Variants in PREX2 observed in about 807,000 individuals in gnomAD.
The protein encoded by PREX2 is phosphatidylinositol-3,4,5-trisphosphate dependent Rac exchange factor 2, also known as phosphatidylinositol 3,4,5-trisphosphate-dependent Rac exchanger 2 protein.
PREX2 carries 107 observed loss-of-function variants against 203.2 expected under a neutral mutation model. The observed-to-expected ratio is 0.53, with a 90% CI of 0.45 to 0.62. The LOEUF is 0.62. Among genes scored for constraint, PREX2 ranks in the 20% least tolerant of loss-of-function variants. The pLI, the probability that PREX2 is intolerant of heterozygous loss-of-function variation, is 0.00. For synonymous variants in PREX2, 672 were observed against 663.6 expected (o/e 1.01, Z -0.19); for missense variants, 1,777 against 1,955.9 (o/e 0.91, Z 1.72).
At chr8:68,188,959 G>A (rs1186575296) in intron 35 of PREX2, among the ~76,000 whole-genome samples, 1 of 152,154 alleles carries the variant, frequency 6.6e-6, no homozygotes, top group Non-Finnish European at 1.5e-5. Context: ...TAGAGATGCA[G>A]AAATGAATAA....
Position 68,006,789 on chromosome 8 carries a change from G to T in PREX2, c.142-11057G>T, listed in dbSNP as rs116330418. Among the ~76,000 whole-genome samples the T allele has an allele frequency of 8.0e-3, 1,215 of 152,278 alleles. 20 individuals are homozygous for T. Among genetic ancestry groups the T allele is most frequent in the African/African-American group, 0.027 (1,128 of 41,552 alleles). ...AAATGTTGGTTCTTGAGGACCTAAG[G>T]TTATTCAGATCCCGTGAAACAAGAA... On this transcript the variant is annotated intron_variant, in intron 1 of 39. Transcript: ENST00000288368.
At chr8:68,156,123 C>T (rs184833154) in intron 34 of PREX2, among the ~76,000 whole-genome samples, 56 of 152,250 alleles carry the variant, frequency 3.7e-4, no homozygotes, top group African/African-American at 1.1e-3. Flanking sequence ...TCCAGTGGCA[C>T]GATCCTAGCT....
chr8:68,168,763 T>C (rs1304985321), intron 35 of PREX2, among the ~76,000 whole-genome samples: 1 of 152,202 alleles, frequency 6.6e-6, no homozygotes, highest in Non-Finnish European at 1.5e-5. Context: ...CAATTCTTTA[T>C]AGGGGCTCTT....
chr8:68,202,137 T>C (rs1272328068), intron 37 of PREX2, among the ~76,000 whole-genome samples: 2 of 152,050 alleles, frequency 1.3e-5, no homozygotes, highest in Non-Finnish European at 2.9e-5. Context: ...CCTGAACTCG[T>C]GATCCACCCA....
intron 1 of PREX2, among the ~76,000 whole-genome samples, chr8:67,960,489 T>A (rs1030275029): frequency 1.3e-5 from 2 of 152,130 alleles, no homozygotes; most frequent in Non-Finnish European, 2.9e-5. Flanking sequence ...TTTCCAAGCC[T>A]GGAGGCATAA....
At chr8:68,207,467 G>A (rs1812652258) in intron 37 of PREX2, among the ~76,000 whole-genome samples, 1 of 152,122 alleles carries the variant, frequency 6.6e-6, no homozygotes, top group South Asian at 2.1e-4. Context: ...AGGAATTCAT[G>A]TAATTTTTAA....
In PREX2 at chr8:68,134,388, C is replaced by T. The variant is rs149987435; in HGVS notation, c.3984+112C>T. 3.7e-4 allele frequency: 292 copies of T among 778,784 alleles called. 1 individual carries two copies. The African/African-American group carries it at 3.9e-3, about 10-fold the overall frequency. The allele number at this position is 778,784 out of a possible 1,614,324, so 48.2% of individuals were successfully genotyped here. On this transcript the variant is annotated intron_variant, in intron 32 of 39. Transcript: ENST00000288368. ...CCCGCTGGTTATCTCTATGAATGTG[C>T]GTGCATTCAGCTACTTTAAAAATAT...
At chr8:68,107,617 T>C (rs1161448808) in intron 23 of PREX2, among the ~76,000 whole-genome samples, 1 of 152,226 alleles carries the variant, frequency 6.6e-6, no homozygotes, top group Non-Finnish European at 1.5e-5. Context: ...CACACCCTAC[T>C]GTCTGACCTG....
chr8:68,109,154 C>T, intron 24 of PREX2: 1 of 476,670 alleles, frequency 2.1e-6, no homozygotes, highest in Non-Finnish European at 3.8e-6. Flanking sequence ...GTATAGTTAA[C>T]ATATTGTATT....
At chr8:68,023,096 G>A (rs569462826) in intron 4 of PREX2, among the ~76,000 whole-genome samples, 103 of 152,212 alleles carry the variant, frequency 6.8e-4, no homozygotes, top group African/African-American at 2.5e-3. Flanking sequence ...CAGCATTTAT[G>A]TTCAAGTCTT....
At chr8:68,113,208 C>T (rs1810568581) in intron 25 of PREX2, among the ~76,000 whole-genome samples, 2 of 150,780 alleles carry the variant, frequency 1.3e-5, no homozygotes, top group African/African-American at 2.5e-5. Context: ...AAGCCTAACA[C>T]TTGTCCCACG....
At position 67,998,240 on chromosome 8, in the gene PREX2, CTGGA is replaced by C. The variant is rs566965774; in HGVS notation, c.142-19605_142-19602del. Among the ~76,000 whole-genome samples, 554 of 152,268 alleles carry C rather than the reference CTGGA, an allele frequency of 3.6e-3. 5 individuals are homozygous for C. Among genetic ancestry groups the C allele is most frequent in the African/African-American group, 0.013 (528 of 41,556 alleles). ...TCTTTCTATCCTGCCACCCTGAATGCTGGAAGGTCTCAGAAGGATGCCTCTAAGC... is the reference window on the plus strand; with the variant it reads ...TCTTTCTATCCTGCCACCCTGAATGCAGGTCTCAGAAGGATGCCTCTAAGC... On this transcript the variant is annotated intron_variant, in intron 1 of 39. Transcript: ENST00000288368.
intron 11 of PREX2, among the ~76,000 whole-genome samples, chr8:68,068,770 C>T (rs937218956): frequency 3.3e-5 from 5 of 151,900 alleles, no homozygotes; most frequent in Non-Finnish European, 7.4e-5. Context: ...TATATAAATA[C>T]ATATATTATG....
chr8:67,967,754 T>A (rs539323479), intron 1 of PREX2, among the ~76,000 whole-genome samples: 2 of 152,318 alleles, frequency 1.3e-5, no homozygotes, highest in Admixed American at 1.3e-4. Context: ...CATACATTTT[T>A]CTTATTTAAG....
At position 68,017,943 on chromosome 8, in the gene PREX2, C is replaced by A. The variant is rs190290881; in HGVS notation, c.213+26C>A. 108 of 1,587,114 alleles carry A rather than the reference C, an allele frequency of 6.8e-5. 1 individual carries two copies. In the East Asian group the frequency reaches 1.5e-3, roughly 22 times the overall value. On this transcript the variant is annotated intron_variant, in intron 2 of 39. Coordinates refer to ENST00000288368, the MANE Select transcript of PREX2 (RefSeq NM_024870.4). ...GTGAGGAGGTACAACTGGCCTTCAA[C>A]CTGAGCATGAGTTTCCTATAGATAA...
Position 68,068,037 on chromosome 8 carries a change from C to T in PREX2, c.1340-996C>T, listed in dbSNP as rs945613083. Among the ~76,000 whole-genome samples the T allele has an allele frequency of 3.9e-5, 6 of 151,916 alleles. No homozygotes were observed. In the South Asian group the frequency reaches 8.3e-4, roughly 21 times the overall value. On this transcript the variant is annotated intron_variant, in intron 11 of 39. Coordinates refer to ENST00000288368, the MANE Select transcript of PREX2 (RefSeq NM_024870.4). ...AATTTTTCATTTGCATGTGTTGAAC[C>T]ACCCTTAGTTCTCAAGGATAAATCC...
intron 9 of PREX2, 53 bp from the exon 10 acceptor site, chr8:68,055,777 T>A (rs1347522673): frequency 5.9e-6 from 9 of 1,525,906 alleles, no homozygotes; most frequent in Non-Finnish European, 8.1e-6. Flanking sequence ...CATAACTGAA[T>A]GAATGAATGA....
At chr8:68,203,751 C>T (rs777644961) in intron 37 of PREX2, among the ~76,000 whole-genome samples, 1 of 152,058 alleles carries the variant, frequency 6.6e-6, no homozygotes, top group Non-Finnish European at 1.5e-5. Flanking sequence ...GATGAGGAGC[C>T]TCAGGGTAAA....
intron 31 of PREX2, among the ~76,000 whole-genome samples, chr8:68,129,418 A>G (rs1365773258): frequency 6.6e-6 from 1 of 152,028 alleles, no homozygotes; most frequent in Non-Finnish European, 1.5e-5. Context: ...CCTCTTCTAT[A>G]TAGGATGACA....
Sources: allele counts gnomAD v4.1 joint callset (sites outside exome capture counted in the v4.1 genomes callset), GRCh38; gene constraint gnomAD v4.1.1; transcripts MANE v1.5; gene names NCBI Gene and HGNC (gene_info 2026-07-23, HGNC 2026-07-21).